Variants in RGS3 observed in about 807,000 individuals in gnomAD.
RGS3 encodes regulator of G protein signaling 3.
RGS3 carries 80 observed loss-of-function variants against 132.6 expected under a neutral mutation model. The observed-to-expected ratio is 0.60, with a 90% CI of 0.50 to 0.73. The LOEUF is 0.73. Ranked by LOEUF, RGS3 falls within the 30% of genes least tolerant of loss-of-function variation. The probability of loss-of-function intolerance (pLI) is 0.00; values close to 1 mark genes in which losing one functional copy is unlikely to be tolerated. For synonymous variants in RGS3, 598 were observed against 620.6 expected (o/e 0.96, Z 0.54); for missense variants, 1,382 against 1,530.8 (o/e 0.90, Z 1.62).
At chr9:113,567,117 T>C (rs1265247450) in intron 19 of RGS3, among the ~76,000 whole-genome samples, 7 of 152,204 alleles carry the variant, frequency 4.6e-5, no homozygotes, top group Non-Finnish European at 1.0e-4. Flanking sequence ...GAGCCAGAAA[T>C]TGTTGATGGG....
chr9:113,574,132 C>G (rs960370262), intron 19 of RGS3, among the ~76,000 whole-genome samples: 3 of 152,210 alleles, frequency 2.0e-5, no homozygotes, highest in African/African-American at 7.2e-5. Context: ...TGATCTCTCT[C>G]TCTCCCCTAT....
intron 19 of RGS3, chr9:113,541,915 C>T (rs1197173010): frequency 2.1e-6 from 2 of 960,322 alleles, no homozygotes; most frequent in Admixed American, 1.2e-4. Flanking sequence ...AGGCTCTATG[C>T]TAGGAGCTGG....
intron 19 of RGS3, among the ~76,000 whole-genome samples, chr9:113,561,421 T>G (rs1300467521): frequency 2.0e-5 from 3 of 151,728 alleles, no homozygotes; most frequent in Non-Finnish European, 4.4e-5. Context: ...TCTCTCTGTC[T>G]CTCTCTTTCA....
At chr9:113,593,179 A>G (rs1197466911) in intron 21 of RGS3, among the ~76,000 whole-genome samples, 1 of 152,206 alleles carries the variant, frequency 6.6e-6, no homozygotes, top group Non-Finnish European at 1.5e-5. Context: ...TGAACCCAAG[A>G]CTAGCTCCAG....
intron 19 of RGS3, among the ~76,000 whole-genome samples, chr9:113,562,103 C>G (rs1833815510): frequency 6.6e-6 from 1 of 152,214 alleles, no homozygotes; most frequent in Admixed American, 6.5e-5. Context: ...TGGGCTTCAT[C>G]TGTAGCCCTG....
chr9:113,461,512 G>T (rs1829469689), intron 1 of RGS3, among the ~76,000 whole-genome samples: 1 of 152,182 alleles, frequency 6.6e-6, no homozygotes, highest in African/African-American at 2.4e-5. Context: ...GAGTAAAGGA[G>T]CCTTACTGGT....
intron 3 of RGS3, among the ~76,000 whole-genome samples, chr9:113,474,230 G>A (rs1238698022): frequency 6.6e-6 from 1 of 152,188 alleles, no homozygotes; most frequent in Non-Finnish European, 1.5e-5. Context: ...AGAGAGGCCA[G>A]GGGATTGAAC....
At chr9:113,465,114 C>T (rs1002682219) in intron 3 of RGS3, among the ~76,000 whole-genome samples, 5 of 152,094 alleles carry the variant, frequency 3.3e-5, no homozygotes, top group African/African-American at 1.2e-4. Flanking sequence ...AATGCCCCAG[C>T]GTAGGAGGCA....
Position 113,579,545 on chromosome 9 carries a change from C to T in RGS3, c.2038-3905C>T, listed in dbSNP as rs1834690172. On this transcript the variant is annotated intron_variant, in intron 19 of 24. Coordinates refer to ENST00000350696, the Ensembl canonical transcript of RGS3. This position sits in a 1 kb window ranked among gnomAD's most constrained non-coding sequence, Gnocchi z 4.3. ...CTTGGGAGGGTGGGGCAGTGGCTTC[C>T]AGCACTCTAGACCCAAGGCCCTGGG... 6.6e-6 allele frequency among the ~76,000 whole-genome samples: 1 copy of T among 152,158 alleles called. No individual in the cohort carries two copies. The highest frequency in any genetic ancestry group is 2.4e-5 in the African/African-American group (1 of 41,428).
chr9:113,445,935 T>C (rs1052355244), intron 1 of RGS3, among the ~76,000 whole-genome samples: 6 of 152,136 alleles, frequency 3.9e-5, no homozygotes, highest in Non-Finnish European at 7.4e-5. Flanking sequence ...CACCTTGAGC[T>C]CCCAAAATGC....
chr9:113,476,890 G>A (rs910478911), intron 3 of RGS3, among the ~76,000 whole-genome samples: 6 of 152,220 alleles, frequency 3.9e-5, no homozygotes, highest in African/African-American at 1.2e-4. Context: ...GGTTCCTGTG[G>A]CTTTCGGATC....
At chr9:113,451,466 A>G (rs1199767756) in intron 1 of RGS3, among the ~76,000 whole-genome samples, 1 of 152,212 alleles carries the variant, frequency 6.6e-6, no homozygotes. Flanking sequence ...CATAAGCCTT[A>G]TATTCAAACC....
chr9:113,476,973 G>A (rs1830011017), intron 3 of RGS3, among the ~76,000 whole-genome samples: 1 of 152,114 alleles, frequency 6.6e-6, no homozygotes, highest in Non-Finnish European at 1.5e-5. Flanking sequence ...TTAAACATAG[G>A]TGTCTTTGAG....
At chr9:113,575,493 G>C (rs567785108) in intron 19 of RGS3, among the ~76,000 whole-genome samples, 1 of 152,242 alleles carries the variant, frequency 6.6e-6, no homozygotes, top group South Asian at 2.1e-4. Flanking sequence ...ATGGGCAGCT[G>C]CCTCCAGGGA....
At chr9:113,447,711 G>T (rs1229340760) in intron 1 of RGS3, among the ~76,000 whole-genome samples, 1 of 151,804 alleles carries the variant, frequency 6.6e-6, no homozygotes, top group Non-Finnish European at 1.5e-5. Flanking sequence ...TCTTTTTATG[G>T]TCCATCTGAA....
intron 21 of RGS3, chr9:113,593,998 CA>C (rs754541838): frequency 2.6e-5 from 42 of 1,612,958 alleles, no homozygotes; most frequent in Non-Finnish European, 3.5e-5. Context: ...CCCTTGCAGA[CA>C]CATGCCCCTT....
intron 21 of RGS3, chr9:113,593,840 G>A (rs765135702): frequency 9.1e-5 from 128 of 1,406,912 alleles, no homozygotes; most frequent in Non-Finnish European, 1.2e-4. Flanking sequence ...GTGGTGGGCA[G>A]TGCCTCCCCT....
chr9:113,506,728 G>A lies in RGS3; in HGVS notation c.1085+235G>A, dbSNP rs1285326560. 6.6e-6 allele frequency among the ~76,000 whole-genome samples: 1 copy of A among 152,214 alleles called. No homozygotes were observed. On this transcript the variant is annotated intron_variant, in intron 12 of 24. Coordinates refer to ENST00000350696, the Ensembl canonical transcript of RGS3. The surrounding 1 kb of genome is among the most constrained non-coding windows in gnomAD (Gnocchi z 4.7). ...AGCAGGGAAGATGCTCTCAGACTCTGTGGTTCAGGACGGGGCACCAGGAGG... is the reference window on the plus strand; with the variant it reads ...AGCAGGGAAGATGCTCTCAGACTCTATGGTTCAGGACGGGGCACCAGGAGG...
chr9:113,516,873 T>G (rs1487052013), intron 15 of RGS3, among the ~76,000 whole-genome samples: 1 of 152,172 alleles, frequency 6.6e-6, no homozygotes, highest in South Asian at 2.1e-4. Flanking sequence ...GATCTTTCTT[T>G]AAGCACCTTG....
Sources: allele counts gnomAD v4.1 joint callset (sites outside exome capture counted in the v4.1 genomes callset), GRCh38; gene constraint gnomAD v4.1.1; non-coding constraint Gnocchi (gnomAD v3.1); transcripts MANE v1.5; gene names NCBI Gene and HGNC (gene_info 2026-07-23, HGNC 2026-07-21).